ACVR1C: variants seen among roughly 807,000 people sequenced by gnomAD.
ACVR1C encodes activin receptor type-1C.
In ACVR1C, 23 loss-of-function variants were observed where a neutral mutation model predicts 57.9. The observed-to-expected ratio is 0.40, with a 90% CI of 0.29 to 0.56. ACVR1C has a LOEUF of 0.56. ACVR1C is among the 20% of genes least tolerant of loss of function. The pLI is 0.50. For missense variants in ACVR1C, 480 were observed against 607.9 expected, an observed-to-expected ratio of 0.79 and a Z score of 2.21; for synonymous variants, 214 against 215.3, an observed-to-expected ratio of 0.99 and a Z score of 0.05.
chr2:157,622,932 A>G (rs1028641421), intron 1 of ACVR1C, among the ~76,000 whole-genome samples: 1 of 152,184 alleles, frequency 6.6e-6, no homozygotes, highest in South Asian at 2.1e-4. Flanking sequence ...TAATAATCCA[A>G]TAAAAAAATT....
intron 2 of ACVR1C, 117 bp downstream of exon 2, chr2:157,587,070 A>T: frequency 1.0e-6 from 1 of 965,464 alleles, no homozygotes; most frequent in Non-Finnish European, 1.5e-6. Flanking sequence ...AATCAAAAAG[A>T]GAACTGTAAA....
chr2:157,608,613 G>A (rs2105146231), intron 1 of ACVR1C, among the ~76,000 whole-genome samples: 1 of 151,904 alleles, frequency 6.6e-6, no homozygotes, highest in African/African-American at 2.4e-5. Context: ...GTCTAGTCCT[G>A]AGCTTTTACT....
intron 2 of ACVR1C, among the ~76,000 whole-genome samples, chr2:157,564,355 A>T (rs1454944557): frequency 3.9e-5 from 6 of 152,240 alleles, no homozygotes; most frequent in African/African-American, 1.4e-4. Context: ...AGCATATGAA[A>T]AAGGCTCAAC....
At chr2:157,613,137 C>T (rs1234005884) in intron 1 of ACVR1C, among the ~76,000 whole-genome samples, 1 of 152,216 alleles carries the variant, frequency 6.6e-6, no homozygotes, top group East Asian at 1.9e-4. Context: ...CCTCTGGGAT[C>T]CCAGCCAATC....
intron 1 of ACVR1C, among the ~76,000 whole-genome samples, chr2:157,614,851 TG>T (rs1407495472): frequency 6.6e-6 from 1 of 152,224 alleles, no homozygotes; most frequent in Non-Finnish European, 1.5e-5. Flanking sequence ...TTTCCATAGT[TG>T]TACTTTCAAT....
At chr2:157,551,512 T>G (rs879833684) in intron 3 of ACVR1C, among the ~76,000 whole-genome samples, 10 of 152,208 alleles carry the variant, frequency 6.6e-5, no homozygotes, top group Non-Finnish European at 1.2e-4. Flanking sequence ...TATAAGTGTA[T>G]CTAGCTATTC....
At chr2:157,536,118 T>C (rs1021639522) in intron 8 of ACVR1C, among the ~76,000 whole-genome samples, 7 of 152,148 alleles carry the variant, frequency 4.6e-5, no homozygotes, top group African/African-American at 1.4e-4. Context: ...TCTTGAGAGA[T>C]ACATACCATA....
At position 157,532,550 on chromosome 2, in the gene ACVR1C, A is replaced by G. The variant is rs1310799309; in HGVS notation, c.*1368T>C. The stretch of plus-strand genomic sequence containing the variant: ...GTTTGAAAAAAGATGTTTTAGGAGC[A>G]TAAAAGACATCATGTTAAATCTCGT... On this transcript the variant is annotated 3_prime_UTR_variant, in exon 9 of 9. Transcript: ENST00000243349. 2 of 152,124 alleles carry G rather than the reference A, an allele frequency of 1.3e-5. No individual in the cohort carries two copies. Among genetic ancestry groups the G allele is most frequent in the Non-Finnish European group, 2.9e-5 (2 of 68,010 alleles). 9.4% of individuals were successfully genotyped at this position (152,124 alleles called of 1,614,324 possible). A position where few individuals can be genotyped will look rare whatever the true frequency, so the allele number is the denominator to read the frequency against.
chr2:157,547,702 T>C (rs1687802234), intron 4 of ACVR1C, among the ~76,000 whole-genome samples: 2 of 146,624 alleles, frequency 1.4e-5, no homozygotes, highest in African/African-American at 2.6e-5. Flanking sequence ...GAGTTCATTG[T>C]AGATTCTGGA....
chr2:157,538,487 G>A, intron 8 of ACVR1C, 86 bp downstream of exon 8: 1 of 1,268,554 alleles, frequency 7.9e-7, no homozygotes, highest in Non-Finnish European at 1.0e-6. Context: ...GAATGAATTG[G>A]AAAAACTATA....
chr2:157,576,103 G>A (rs1237362532), intron 2 of ACVR1C, among the ~76,000 whole-genome samples: 2 of 151,210 alleles, frequency 1.3e-5, no homozygotes, highest in Admixed American at 1.3e-4. Context: ...TCCCCTCTCT[G>A]CTCAACATTG....
At chr2:157,549,121 C>T (rs561342061) in intron 4 of ACVR1C, among the ~76,000 whole-genome samples, 9 of 152,140 alleles carry the variant, frequency 5.9e-5, no homozygotes, top group South Asian at 4.2e-4. Flanking sequence ...TTTAGGAGGC[C>T]GAGGGGGGTG....
Position 157,542,774 on chromosome 2 carries a change from C to T in ACVR1C, c.1032G>A (p.Leu344=), listed in dbSNP as rs1322158222. The T allele has an allele frequency of 6.2e-7, 1 of 1,614,110 alleles. No homozygotes were observed. ...CETCAIADLG[L]AVKHDSILNT... is the part of the protein sequence containing the mutation. Reference sequence around the variant, plus strand: ...TCAGTATTGAATCATGCTTCACAGCCAACCCTAAGTCCGCTATGGCACAAG... The same window carrying T: ...TCAGTATTGAATCATGCTTCACAGCTAACCCTAAGTCCGCTATGGCACAAG... The change falls in exon 6 of 9, where the codon TTG becomes TTA. Residue 344 remains leucine (L), a synonymous_variant. Coordinates refer to ENST00000243349, the MANE Select transcript of ACVR1C (RefSeq NM_145259.3).
intron 1 of ACVR1C, among the ~76,000 whole-genome samples, chr2:157,600,035 G>A (rs1052141084): frequency 6.6e-6 from 1 of 152,190 alleles, no homozygotes; most frequent in Non-Finnish European, 1.5e-5. Flanking sequence ...AACCCCAAAA[G>A]CAGAAGGCAT....
chr2:157,598,145 T>G (rs1682182921), intron 1 of ACVR1C, among the ~76,000 whole-genome samples: 1 of 151,792 alleles, frequency 6.6e-6, no homozygotes, highest in African/African-American at 2.4e-5. Context: ...CAAAAATAAT[T>G]TGGGGACCCA....
At chr2:157,554,261 AAG>A (rs1396151845) in intron 3 of ACVR1C, among the ~76,000 whole-genome samples, 3 of 139,326 alleles carry the variant, frequency 2.2e-5, no homozygotes, top group Admixed American at 6.9e-5. Flanking sequence ...GAAAGAAAGA[AAG>A]AAAGAAAGGA....
At chr2:157,573,281 T>A (rs1488273934) in intron 2 of ACVR1C, among the ~76,000 whole-genome samples, 1 of 152,218 alleles carries the variant, frequency 6.6e-6, no homozygotes, top group African/African-American at 2.4e-5. Context: ...ATTATCAATT[T>A]TCCTTTTCCT....
chr2:157,553,054 T>C (rs1047536291), intron 3 of ACVR1C, among the ~76,000 whole-genome samples: 5 of 152,248 alleles, frequency 3.3e-5, no homozygotes, highest in African/African-American at 9.6e-5. Context: ...GCATTATGCA[T>C]GTCTTTGAAA....
chr2:157,593,657 C>T (rs1681998812), intron 1 of ACVR1C, among the ~76,000 whole-genome samples: 1 of 152,182 alleles, frequency 6.6e-6, no homozygotes, highest in Non-Finnish European at 1.5e-5. Flanking sequence ...AAAACTAGCA[C>T]TAGCAAATCT....
Sources: allele counts gnomAD v4.1 joint callset (sites outside exome capture counted in the v4.1 genomes callset), GRCh38; gene constraint gnomAD v4.1.1; transcripts MANE v1.5; gene names NCBI Gene and HGNC (gene_info 2026-07-23, HGNC 2026-07-21).